The following OAF variants were observed in gnomAD, a reference collection of about 807,000 sequenced individuals.
The protein encoded by OAF is out at first protein homolog.
OAF carries 13 observed loss-of-function variants against 22.5 expected under a neutral mutation model. The ratio of observed to expected loss-of-function variants is 0.58; its 90% CI spans 0.38 to 0.92. The LOEUF is 0.92. Ranked by LOEUF, OAF falls within the 40% of genes least tolerant of loss-of-function variation. The pLI is 0.00. For missense variants in OAF, 347 were observed against 381.8 expected (o/e 0.91, Z 0.76); for synonymous variants, 175 against 170.5 (o/e 1.03, Z -0.21).
intron 1 of OAF, among the ~76,000 whole-genome samples, chr11:120,212,607 G>A (rs1938165386): frequency 6.6e-6 from 1 of 151,592 alleles, no homozygotes; most frequent in South Asian, 2.1e-4. Flanking sequence ...GACCCTTGCT[G>A]AAGCTGCCTG....
chr11:120,226,537 C>T (rs2135097932), intron 2 of OAF, among the ~76,000 whole-genome samples: 1 of 152,312 alleles, frequency 6.6e-6, no homozygotes, highest in Non-Finnish European at 1.5e-5. Flanking sequence ...CTCCACCTCC[C>T]ATCCACACCT....
intron 3 of OAF, 47 bp from the exon 4 acceptor site, chr11:120,228,821 T>TACCAACC: frequency 7.7e-6 from 4 of 520,280 alleles, no homozygotes; most frequent in African/African-American, 2.0e-5. Flanking sequence ...GGGAGCTCCT[T>TACCAACC]CCCTCCCTCC....
intron 1 of OAF, among the ~76,000 whole-genome samples, chr11:120,225,343 C>T (rs980787007): frequency 5.3e-5 from 8 of 151,948 alleles, no homozygotes; most frequent in Non-Finnish European, 8.8e-5. Flanking sequence ...ATGCCCTGAT[C>T]AGGTGCCTGT....
chr11:120,222,596 G>A (rs976921484), intron 1 of OAF, among the ~76,000 whole-genome samples: 2 of 150,532 alleles, frequency 1.3e-5, no homozygotes, highest in African/African-American at 4.9e-5. Context: ...ACAAAGGAGA[G>A]ACCGGAGAAT....
chr11:120,226,908 G>T lies in OAF; in HGVS notation c.459G>T (p.Leu153=). 2 of 1,612,784 alleles carry T rather than the reference G, an allele frequency of 1.2e-6. No individual in the cohort carries two copies. Among genetic ancestry groups the T allele is most frequent in the Non-Finnish European group, 1.7e-6 (2 of 1,179,036 alleles). Residue 153 remains leucine (L), a synonymous_variant, in exon 3 of 4, where the codon CTG becomes CTT. Coordinates refer to ENST00000328965, the MANE Select transcript of OAF (RefSeq NM_178507.4). ...DVAVNFSQGA[L]LSPHLHNVCA... ...CTGTCAACTTCAGCCAGGGGGCCCT[G>T]CTGAGCCCCCATCTCCACAACGTGT...
At position 120,229,183 on chromosome 11, in the gene OAF, C is replaced by T; in HGVS notation, c.*41C>T. On this transcript the variant is annotated 3_prime_UTR_variant, in exon 4 of 4. Transcript: ENST00000328965. ...GCGGGTGGCTGCTCTGGGCCCACTG[C>T]TCTTCACCAGCCACTAGAGGGGGTG... is the stretch of plus-strand genomic sequence containing the variant. 6.3e-7 allele frequency: 1 copy of T among 1,578,238 alleles called. No individual in the cohort carries two copies. The highest frequency in any genetic ancestry group is 8.6e-7 in the Non-Finnish European group (1 of 1,157,010).
chr11:120,211,213 G>A lies in OAF; in HGVS notation c.-67G>A. 6 of 1,104,478 alleles carry A rather than the reference G, an allele frequency of 5.4e-6. No individual in the cohort carries two copies. Among genetic ancestry groups the A allele is most frequent in the Non-Finnish European group, 6.7e-6 (6 of 893,130 alleles). 68.4% of individuals were successfully genotyped at this position (1,104,478 alleles called of 1,614,324 possible). On this transcript the variant is annotated 5_prime_UTR_variant, in exon 1 of 4. Transcript: ENST00000328965. ...GAACTAGCCCCCAACTTTGGGCGAAGTTTGCCTGCGCCTCTCCCCGCCCCC... is the reference window on the plus strand; with the variant it reads ...GAACTAGCCCCCAACTTTGGGCGAAATTTGCCTGCGCCTCTCCCCGCCCCC...
intron 1 of OAF, among the ~76,000 whole-genome samples, chr11:120,221,376 C>A (rs1938278143): frequency 1.3e-5 from 2 of 152,168 alleles, no homozygotes; most frequent in Non-Finnish European, 2.9e-5. Flanking sequence ...TAGAAGAGAA[C>A]AATCTCAACT....
At chr11:120,219,404 C>T (rs1003518984) in intron 1 of OAF, among the ~76,000 whole-genome samples, 5 of 152,166 alleles carry the variant, frequency 3.3e-5, no homozygotes, top group Admixed American at 6.5e-5. Context: ...CGGCTGAGGC[C>T]GTGGCAAAAC....
At chr11:120,212,261 G>GGT (rs1373676800) in intron 1 of OAF, among the ~76,000 whole-genome samples, 1 of 145,558 alleles carries the variant, frequency 6.9e-6, no homozygotes, top group Non-Finnish European at 1.5e-5. Context: ...TGGGTGGGTG[G>GGT]GTGGGTGTGG....
intron 1 of OAF, chr11:120,217,142 C>T (rs967032967): frequency 3.3e-5 from 5 of 152,260 alleles, no homozygotes; most frequent in Admixed American, 1.3e-4. Context: ...CAGAGACCCT[C>T]GTTTGTACAG....
At position 120,213,189 on chromosome 11, in the gene OAF, C is replaced by G. The variant is rs574585789; in HGVS notation, c.231+1679C>G. Among the ~76,000 whole-genome samples the G allele has an allele frequency of 8.0e-4, 121 of 151,788 alleles. 1 individual carries two copies. Among genetic ancestry groups the G allele is most frequent in the South Asian group, 1.7e-3 (8 of 4,754 alleles). Reference sequence around the variant, plus strand: ...GAGCTTTTATAGCCTTTAGCTACATCTGGAAGGTTTTTATTGCTGTGATCT... The same window carrying G: ...GAGCTTTTATAGCCTTTAGCTACATGTGGAAGGTTTTTATTGCTGTGATCT... On this transcript the variant is annotated intron_variant, in intron 1 of 3. Transcript: ENST00000328965.
chr11:120,219,550 GCTCTGCCGTCT>G (rs1565341965), intron 1 of OAF, among the ~76,000 whole-genome samples: 1 of 152,190 alleles, frequency 6.6e-6, no homozygotes, highest in East Asian at 1.9e-4. Flanking sequence ...GCCCAGGGGT[GCTCTGCCGTCT>G]CTCAGCGCAT....
At chr11:120,211,881 T>A (rs1415474152) in intron 1 of OAF, among the ~76,000 whole-genome samples, 24 of 148,794 alleles carry the variant, frequency 1.6e-4, no homozygotes, top group Non-Finnish European at 3.1e-4. Flanking sequence ...GTTCTCCCTG[T>A]GTGATCTAGA....
Position 120,229,023 on chromosome 11 carries a change from C to T in OAF, c.703C>T (p.Arg235Cys), listed in dbSNP as rs766616644. Residue 235 changes from arginine to cysteine, a missense_variant, in exon 4 of 4, where the codon CGC becomes TGC. Physicochemically the swap from Arg to Cys is radical, Grantham distance 180. Coordinates refer to ENST00000328965, the MANE Select transcript of OAF (RefSeq NM_178507.4). ...CTGCATGCTCAAGTACTGCCACAGCCGCGACCGGCCCACGCCCTACAAGTG... is the reference window on the plus strand; with the variant it reads ...CTGCATGCTCAAGTACTGCCACAGCTGCGACCGGCCCACGCCCTACAAGTG... Reference protein sequence around the residue: ...YPCMLKYCHSRDRPTPYKCGI... With the variant: ...YPCMLKYCHSCDRPTPYKCGI... 7 of 1,613,500 alleles carry T rather than the reference C, an allele frequency of 4.3e-6. No individual in the cohort carries two copies. Among genetic ancestry groups the T allele is most frequent in the Non-Finnish European group, 5.1e-6 (6 of 1,180,028 alleles).
intron 1 of OAF, among the ~76,000 whole-genome samples, chr11:120,221,705 A>C (rs530830370): frequency 2.6e-5 from 4 of 152,060 alleles, no homozygotes; most frequent in African/African-American, 9.6e-5. Flanking sequence ...GAGCCTACCT[A>C]CTCCTTACTT....
At chr11:120,223,381 G>A (rs377059883) in intron 1 of OAF, among the ~76,000 whole-genome samples, 101 of 152,308 alleles carry the variant, frequency 6.6e-4, no homozygotes, top group African/African-American at 2.3e-3. Context: ...CCTACCGCCT[G>A]TTGTAAGGAT....
At chr11:120,226,793 A>C in intron 2 of OAF, 23 bp from the exon 3 acceptor site, 1 of 1,566,564 alleles carries the variant, frequency 6.4e-7, no homozygotes, top group South Asian at 1.2e-5. Flanking sequence ...GCCAGGTAGG[A>C]GTGACTTCTC....
chr11:120,224,910 G>T (rs1938330513), intron 1 of OAF, among the ~76,000 whole-genome samples: 1 of 152,164 alleles, frequency 6.6e-6, no homozygotes, highest in Non-Finnish European at 1.5e-5. Flanking sequence ...AGGGAAGGGG[G>T]CCCCAGCCCA....
Sources: gnomAD v4.1 joint callset for allele counts (sites outside exome capture counted in the v4.1 genomes callset) on GRCh38, gnomAD v4.1.1 for gene constraint, MANE v1.5 for transcripts, NCBI Gene and HGNC (gene_info 2026-07-23, HGNC 2026-07-21) for gene names.